The following YEATS4 variants were observed in gnomAD, a reference collection of about 807,000 sequenced individuals.
YEATS4 encodes the protein YEATS domain containing 4.
In YEATS4, 17 loss-of-function variants were observed where a neutral mutation model predicts 30.1. The observed-to-expected ratio is 0.56, with a 90% CI of 0.39 to 0.85. The LOEUF is 0.85. Ranked by LOEUF, YEATS4 falls within the 40% of genes least tolerant of loss-of-function variation. The pLI, the probability that YEATS4 is intolerant of heterozygous loss-of-function variation, is 0.00. For synonymous variants in YEATS4, 85 were observed against 87.5 expected, an observed-to-expected ratio of 0.97 and a Z score of 0.16; for missense variants, 142 against 268.3, an observed-to-expected ratio of 0.53 and a Z score of 3.29.
chr12:69,402,902 TAGTAGAGAC>T, the YEATS4 span, among the ~76,000 whole-genome samples: 1 of 151,680 alleles, frequency 6.6e-6, no homozygotes, highest in Non-Finnish European at 1.5e-5. Context: ...TTTGTATTTT[TAGTAGAGAC>T]AGGGTTTCAC....
At chr12:69,424,343 G>A in the YEATS4 span, among the ~76,000 whole-genome samples, 1 of 152,266 alleles carries the variant, frequency 6.6e-6, no homozygotes, top group South Asian at 2.1e-4. Context: ...TCCATACTCA[G>A]GAGACAGGAT....
chr12:69,420,012 T>C, the YEATS4 span, among the ~76,000 whole-genome samples: 165 of 152,342 alleles, frequency 1.1e-3, no homozygotes, highest in African/African-American at 3.5e-3. Flanking sequence ...GAAATTCTTC[T>C]TCAACTGATA....
downstream of YEATS4, among the ~76,000 whole-genome samples, chr12:69,391,364 T>C (rs1868313974): frequency 1.3e-5 from 2 of 152,178 alleles, no homozygotes; most frequent in South Asian, 4.1e-4. Context: ...ATTAGCTTCA[T>C]GCACTACTCC....
the YEATS4 span, among the ~76,000 whole-genome samples, chr12:69,402,260 G>T: frequency 1.3e-5 from 2 of 152,108 alleles, no homozygotes; most frequent in African/African-American, 4.8e-5. Context: ...TGTGTTCCAA[G>T]ATATCACAAA....
intron 6 of YEATS4, among the ~76,000 whole-genome samples, chr12:69,375,067 G>T (rs1365123766): frequency 8.6e-5 from 13 of 151,308 alleles, no homozygotes; most frequent in Non-Finnish European, 1.3e-4. Context: ...CCTCCCGGAG[G>T]GGGCGGCTGC....
chr12:69,369,189 C>CA (rs1382346908), intron 4 of YEATS4, among the ~76,000 whole-genome samples: 2 of 148,524 alleles, frequency 1.3e-5, no homozygotes, highest in African/African-American at 5.1e-5. Context: ...AGAAATTACT[C>CA]ACTCCTGTGC....
At chr12:69,365,494 C>G (rs1875392600) in intron 2 of YEATS4, 139 bp from the exon 3 acceptor site, 1 of 611,096 alleles carries the variant, frequency 1.6e-6, no homozygotes, top group South Asian at 2.4e-5. Flanking sequence ...AGGTGTAGTT[C>G]ATGTTTTTTA....
chr12:69,384,103 TTG>T (rs1262619254), intron 6 of YEATS4, among the ~76,000 whole-genome samples: 4 of 152,214 alleles, frequency 2.6e-5, no homozygotes, highest in African/African-American at 9.7e-5. Context: ...CATTGAAAAT[TTG>T]TATGCTTTAG....
the YEATS4 span, among the ~76,000 whole-genome samples, chr12:69,424,301 T>C: frequency 6.6e-6 from 1 of 152,192 alleles, no homozygotes; most frequent in Non-Finnish European, 1.5e-5. Context: ...GATCCTAACC[T>C]GCTACAGGGG....
chr12:69,367,270 A>G (rs11177620), intron 4 of YEATS4, among the ~76,000 whole-genome samples: 1,867 of 152,288 alleles, frequency 0.012, 21 homozygotes, highest in African/African-American at 0.029. Flanking sequence ...TAGCTCATTT[A>G]AACATTTTTT....
chr12:69,384,241 G>T lies in YEATS4; in HGVS notation c.515-5906G>T, dbSNP rs892037603. 1.6e-4 allele frequency among the ~76,000 whole-genome samples: 25 copies of T among 152,220 alleles called. 1 individual carries two copies. In the East Asian group the frequency reaches 4.4e-3, roughly 27 times the overall value. On this transcript the variant is annotated intron_variant, in intron 6 of 6. Transcript: ENST00000247843. ...TTCTTTCTCTCATACCATGAAATGT[G>T]CCCATTCATGGCAGAAAATTCTCTT...
chr12:69,371,621 T>C (rs1319350165), intron 6 of YEATS4, among the ~76,000 whole-genome samples: 5 of 152,248 alleles, frequency 3.3e-5, no homozygotes, highest in Admixed American at 2.0e-4. Context: ...CATTACAATA[T>C]ATAGTGAGTA....
At chr12:69,364,914 C>T (rs1274802068) in intron 2 of YEATS4, among the ~76,000 whole-genome samples, 2 of 152,200 alleles carry the variant, frequency 1.3e-5, no homozygotes, top group South Asian at 2.1e-4. Flanking sequence ...GCCACCGTGC[C>T]CGGCGTATGT....
In YEATS4 at chr12:69,390,190, T is replaced by C; in HGVS notation, c.558T>C (p.Ala186=). The change falls in exon 7 of 7, where the codon GCT becomes GCC. Residue 186 remains alanine, a synonymous_variant. Transcript: ENST00000247843. ...EVKTREKLEA[A]KKKTSFEIAE... Reference sequence around the variant, plus strand: ...AAACCAGAGAAAAATTAGAAGCTGCTAAGAAAAAAACAAGCTTTGAGATTG... The same window carrying C: ...AAACCAGAGAAAAATTAGAAGCTGCCAAGAAAAAAACAAGCTTTGAGATTG... 2 of 1,596,832 alleles carry C rather than the reference T, an allele frequency of 1.3e-6. No individual in the cohort carries two copies. Among genetic ancestry groups the C allele is most frequent in the East Asian group, 2.2e-5 (1 of 44,632 alleles).
At chr12:69,375,343 TG>T (rs1342110742) in intron 6 of YEATS4, among the ~76,000 whole-genome samples, 3 of 119,878 alleles carry the variant, frequency 2.5e-5, no homozygotes, top group Non-Finnish European at 5.3e-5. Flanking sequence ...TCCCAGAGGA[TG>T]GGCGGCCGGA....
chr12:69,364,299 G>A (rs542925248), intron 2 of YEATS4: 12 of 292,532 alleles, frequency 4.1e-5, no homozygotes, highest in African/African-American at 1.8e-4. Flanking sequence ...AGAAAAAAAA[G>A]GTATCATTAT....
the YEATS4 span, among the ~76,000 whole-genome samples, chr12:69,399,150 C>G: frequency 6.8e-6 from 1 of 147,550 alleles, no homozygotes; most frequent in Non-Finnish European, 1.5e-5. Flanking sequence ...CCGTCCCCCC[C>G]AAAAAAACAA....
the YEATS4 span, among the ~76,000 whole-genome samples, chr12:69,418,377 G>A: frequency 1.1e-4 from 16 of 152,100 alleles, no homozygotes; most frequent in African/African-American, 3.9e-4. Flanking sequence ...GCCTGAATCC[G>A]GGAGGTGGAG....
chr12:69,381,371 C>T (rs1194680125), intron 6 of YEATS4, among the ~76,000 whole-genome samples: 1 of 152,226 alleles, frequency 6.6e-6, no homozygotes, highest in African/African-American at 2.4e-5. Context: ...AAGGTTATCT[C>T]TCTTGTTCCT....
Sources: allele counts gnomAD v4.1 joint callset (sites outside exome capture counted in the v4.1 genomes callset), GRCh38; gene constraint gnomAD v4.1.1; transcripts MANE v1.5; gene names NCBI Gene and HGNC (gene_info 2026-07-23, HGNC 2026-07-21).